Variants in ABHD6 observed in about 807,000 individuals in gnomAD.
ABHD6 encodes abhydrolase domain containing 6, acylglycerol lipase.
In ABHD6, 33 loss-of-function variants were observed where a neutral mutation model predicts 38.8. That is an observed-to-expected ratio of 0.85 (90% CI 0.64 to 1.14). ABHD6 has a LOEUF of 1.14. ABHD6 is among the 50% of genes most tolerant of loss of function. ABHD6 has a pLI of 0.00. For missense variants in ABHD6, 380 were observed against 422.6 expected, an observed-to-expected ratio of 0.90 and a Z score of 0.88; for synonymous variants, 147 against 161.6, an observed-to-expected ratio of 0.91 and a Z score of 0.69.
At chr3:58,283,381 G>C (rs1226724482) in intron 7 of ABHD6, among the ~76,000 whole-genome samples, 4 of 152,206 alleles carry the variant, frequency 2.6e-5, no homozygotes, top group Admixed American at 2.0e-4. Flanking sequence ...AGGAGCACCT[G>C]CACACTCAGC....
intron 7 of ABHD6, among the ~76,000 whole-genome samples, chr3:58,282,336 T>C (rs1041932670): frequency 4.0e-5 from 6 of 151,724 alleles, no homozygotes; most frequent in Admixed American, 1.3e-4. Flanking sequence ...TAGACTAGGA[T>C]GGTAGCAATG....
chr3:58,293,767 G>T lies in ABHD6; in HGVS notation c.*2G>T, dbSNP rs1282156403. 1.2e-6 allele frequency: 2 copies of T among 1,613,250 alleles called. No individual in the cohort carries two copies. Among genetic ancestry groups the T allele is most frequent in the African/African-American group, 1.3e-5 (1 of 74,888 alleles). Reference sequence around the variant, plus strand: ...GACAACAACAAGAAGCTGGACTGAGGCCCCGACTGCAGCCTGCATTCTGCA... The same window carrying T: ...GACAACAACAAGAAGCTGGACTGAGTCCCCGACTGCAGCCTGCATTCTGCA... On this transcript the variant is annotated 3_prime_UTR_variant, in exon 10 of 10. Coordinates refer to ENST00000478253, the MANE Select transcript of ABHD6 (RefSeq NM_001320126.2). This position sits in a 1 kb window ranked among gnomAD's most constrained non-coding sequence, Gnocchi z 4.4.
At chr3:58,268,218 C>T (rs1161009430) in intron 4 of ABHD6, among the ~76,000 whole-genome samples, 4 of 152,214 alleles carry the variant, frequency 2.6e-5, no homozygotes, top group African/African-American at 9.6e-5. Flanking sequence ...TCTGACACAG[C>T]TGCATCTCAG....
chr3:58,278,107 A>C (rs1428284185), intron 7 of ABHD6, among the ~76,000 whole-genome samples: 1 of 152,172 alleles, frequency 6.6e-6, no homozygotes, highest in Admixed American at 6.5e-5. Context: ...CATCAGGATG[A>C]TGCAGGCCTC....
rs1575522618 is a variant in ABHD6 at position 58,266,445 on chromosome 3, A to C, written c.120-744A>C. Among the ~76,000 whole-genome samples the C allele has an allele frequency of 6.6e-6, 1 of 152,108 alleles. No homozygotes were observed. The highest frequency in any genetic ancestry group is 2.4e-5 in the African/African-American group (1 of 41,500). On this transcript the variant is annotated intron_variant, in intron 3 of 9. Coordinates refer to ENST00000478253, the MANE Select transcript of ABHD6 (RefSeq NM_001320126.2). The surrounding 1 kb of genome is among the most constrained non-coding windows in gnomAD (Gnocchi z 4.0). ...CGAGACTGTATCTAAAAAAAAAAAA[A>C]ACCTGACCAAACAAACAACAAAAAA...
At chr3:58,262,511 A>G (rs558981238) in intron 3 of ABHD6, among the ~76,000 whole-genome samples, 4 of 152,164 alleles carry the variant, frequency 2.6e-5, no homozygotes, top group Non-Finnish European at 5.9e-5. Context: ...TGTCCCTGAA[A>G]CAGGAGCAGT....
chr3:58,270,503 CAAAA>C (rs768619665), intron 5 of ABHD6, among the ~76,000 whole-genome samples: 1 of 60,654 alleles, frequency 1.6e-5, no homozygotes, highest in Admixed American at 2.0e-4. Context: ...CTCATCTCTA[CAAAA>C]AAAAAAAAAA....
intron 9 of ABHD6, among the ~76,000 whole-genome samples, chr3:58,286,860 A>ATGTG (rs1397443608): frequency 1.6e-5 from 2 of 121,378 alleles, no homozygotes; most frequent in African/African-American, 3.5e-5. Flanking sequence ...GTGTATATAT[A>ATGTG]TATATATATG....
chr3:58,285,287 T>A lies in ABHD6; in HGVS notation c.737-66T>A, dbSNP rs754644335. ...TGGCCTGGATCTGGTGACTATCCCT[T>A]GATTCTGCGGTGGTGCCACAGGCAC... is the stretch of plus-strand genomic sequence containing the variant. On this transcript the variant is annotated intron_variant, in intron 8 of 9. Coordinates refer to ENST00000478253, the MANE Select transcript of ABHD6 (RefSeq NM_001320126.2). This position sits in a 1 kb window ranked among gnomAD's most constrained non-coding sequence, Gnocchi z 4.9. 6 of 1,561,608 alleles carry A rather than the reference T, an allele frequency of 3.8e-6. No individual in the cohort carries two copies. The highest frequency in any genetic ancestry group is 5.3e-6 in the Non-Finnish European group (6 of 1,132,614).
chr3:58,286,052 C>A (rs2097456719), intron 9 of ABHD6, among the ~76,000 whole-genome samples: 1 of 150,010 alleles, frequency 6.7e-6, no homozygotes, highest in Admixed American at 6.7e-5. Context: ...CGAAGTCTTG[C>A]TCTGTTACCC....
chr3:58,270,669 A>T (rs577186986), intron 5 of ABHD6, among the ~76,000 whole-genome samples: 5 of 152,134 alleles, frequency 3.3e-5, no homozygotes, highest in Admixed American at 6.5e-5. Flanking sequence ...CTCAGAAAAA[A>T]AGAAAAGTTT....
At chr3:58,286,844 GTGTGTGTGTA>G (rs1459071149) in intron 9 of ABHD6, among the ~76,000 whole-genome samples, 1 of 50,066 alleles carries the variant, frequency 2.0e-5, no homozygotes, top group Non-Finnish European at 3.7e-5. Context: ...GTGTGTGTGT[GTGTGTGTGTA>G]TATATATATA....
Position 58,269,614 on chromosome 3 carries a change from G to T in ABHD6, c.390+180G>T, listed in dbSNP as rs1242817506. ...TGATATCTCTGGTTGGCAATGGAGG[G>T]CCAGGGCTTATTACAGACTTAAGCC... On this transcript the variant is annotated intron_variant, in intron 5 of 9. Transcript: ENST00000478253. The surrounding 1 kb of genome is among the most constrained non-coding windows in gnomAD (Gnocchi z 4.4). 1.3e-5 allele frequency among the ~76,000 whole-genome samples: 2 copies of T among 152,224 alleles called. No individual in the cohort carries two copies.
rs950740778 is a variant in ABHD6 at position 58,293,268 on chromosome 3, C to T, written c.838-321C>T. 2.6e-5 allele frequency among the ~76,000 whole-genome samples: 4 copies of T among 152,300 alleles called. No individual in the cohort carries two copies. Among genetic ancestry groups the T allele is most frequent in the African/African-American group, 4.8e-5 (2 of 41,560 alleles). ...GGGACTCAGGAACGAGGTCTTCCCT[C>T]GACCCTGCTCATCCCCTGTGCTCTC... is the stretch of plus-strand genomic sequence containing the variant. On this transcript the variant is annotated intron_variant, in intron 9 of 9. Coordinates refer to ENST00000478253, the MANE Select transcript of ABHD6 (RefSeq NM_001320126.2). The surrounding 1 kb of genome is among the most constrained non-coding windows in gnomAD (Gnocchi z 4.4).
chr3:58,266,951 A>T lies in ABHD6; in HGVS notation c.120-238A>T, dbSNP rs1369047109. Among the ~76,000 whole-genome samples the T allele has an allele frequency of 6.6e-6, 1 of 152,318 alleles. No homozygotes were observed. Among genetic ancestry groups the T allele is most frequent in the African/African-American group, 2.4e-5 (1 of 41,570 alleles). Reference sequence around the variant, plus strand: ...GAAAACACCGCATTTCCCTTCCTAGAGTGATTAGTAAAATATATACCAAAA... The same window carrying T: ...GAAAACACCGCATTTCCCTTCCTAGTGTGATTAGTAAAATATATACCAAAA... On this transcript the variant is annotated intron_variant, in intron 3 of 9. Transcript: ENST00000478253. This position sits in a 1 kb window ranked among gnomAD's most constrained non-coding sequence, Gnocchi z 4.0.
chr3:58,287,005 G>C lies in ABHD6; in HGVS notation c.837+1552G>C, dbSNP rs559132876. ...GAAAATTTGAAAGAAGGCCAGGCAT[G>C]GTGGCTTACGCCTATAATGCCAGCA... is the stretch of plus-strand genomic sequence containing the variant. On this transcript the variant is annotated intron_variant, in intron 9 of 9. Coordinates refer to ENST00000478253, the MANE Select transcript of ABHD6 (RefSeq NM_001320126.2). The surrounding 1 kb of genome is among the most constrained non-coding windows in gnomAD (Gnocchi z 4.7). Among the ~76,000 whole-genome samples, 2 of 151,862 alleles carry C rather than the reference G, an allele frequency of 1.3e-5. No homozygotes were observed. Among genetic ancestry groups the C allele is most frequent in the South Asian group, 2.1e-4 (1 of 4,804 alleles).
Position 58,267,238 on chromosome 3 carries a change from G to T in ABHD6, c.169G>T (p.Asp57Tyr). ...GMQVRYVHHE[D>Y]YQFCYSFRGR... ...GCAAGTCCGCTATGTTCACCATGAA[G>T]ACTATCAGTTCTGTTATTCCTTCCG... is the stretch of plus-strand genomic sequence containing the variant. The change falls in exon 4 of 10, where the codon GAC becomes TAC. Residue 57 changes from aspartate to tyrosine, a missense_variant. Physicochemically the swap from Asp to Tyr is radical, Grantham distance 160 (BLOSUM62 -3). Transcript: ENST00000478253. This position sits in a 1 kb window ranked among gnomAD's most constrained non-coding sequence, Gnocchi z 4.3. 1 of 1,614,184 alleles carries T rather than the reference G, an allele frequency of 6.2e-7. No individual in the cohort carries two copies.
At chr3:58,246,206 A>G (rs1424836814) in intron 1 of ABHD6, among the ~76,000 whole-genome samples, 1 of 152,242 alleles carries the variant, frequency 6.6e-6, no homozygotes, top group Non-Finnish European at 1.5e-5. Flanking sequence ...TTTATCCAGC[A>G]GGAGACTGGC....
intron 1 of ABHD6, among the ~76,000 whole-genome samples, chr3:58,243,967 A>T (rs1396973071): frequency 2.0e-5 from 3 of 152,138 alleles, no homozygotes; most frequent in African/African-American, 7.2e-5. Context: ...GGGAAGCAGA[A>T]GTTTTCATAA....
Sources: allele counts gnomAD v4.1 joint callset (sites outside exome capture counted in the v4.1 genomes callset), GRCh38; gene constraint gnomAD v4.1.1; non-coding constraint Gnocchi (gnomAD v3.1); transcripts MANE v1.5; gene names NCBI Gene and HGNC (gene_info 2026-07-23, HGNC 2026-07-21).